MAP4K1: variants seen among roughly 807,000 people sequenced by gnomAD.
MAP4K1 encodes MAPK/ERK kinase kinase kinase 1.
MAP4K1 carries 35 observed loss-of-function variants against 122.8 expected under a neutral mutation model. The observed-to-expected ratio is 0.29, with a 90% CI of 0.22 to 0.38. The LOEUF (loss-of-function observed/expected upper bound fraction) is 0.38, where lower values mean the gene tolerates loss of function less well. Ranked by LOEUF, MAP4K1 falls within the 10% of genes least tolerant of loss-of-function variation. The pLI is 1.00. For missense variants in MAP4K1, 791 were observed against 1,072.6 expected (o/e 0.74, Z 3.67); for synonymous variants, 412 against 421.3 (o/e 0.98, Z 0.27).
At chr19:38,610,531 G>A (rs980830224) in intron 11 of MAP4K1, among the ~76,000 whole-genome samples, 27 of 151,860 alleles carry the variant, frequency 1.8e-4, no homozygotes, top group Non-Finnish European at 3.1e-4. Context: ...GATTACAGGC[G>A]TGCGCCACTA....
In MAP4K1 at chr19:38,595,784, AG is replaced by A. The variant is rs1974856505; in HGVS notation, c.2180-56del. 2.9e-5 allele frequency: 44 copies of A among 1,507,632 alleles called. 1 individual carries two copies. In the Middle Eastern group the frequency reaches 1.4e-3, roughly 47 times the overall value. 93.4% of individuals were successfully genotyped at this position (1,507,632 alleles called of 1,614,324 possible). Reference sequence around the variant, plus strand: ...GTGAGCAAGGCTTAGAGGGTTACTAAGGGACCAATCCATAAATTCAGTGTGA... The same window carrying A: ...GTGAGCAAGGCTTAGAGGGTTACTAAGGACCAATCCATAAATTCAGTGTGA... On this transcript the variant is annotated intron_variant, in intron 27 of 30. Coordinates refer to ENST00000396857, the MANE Select transcript of MAP4K1 (RefSeq NM_001042600.3).
chr19:38,596,023 A>T lies in MAP4K1; in HGVS notation c.2117-22T>A, dbSNP rs1341171625. ...TGCTCTGTTTGGGGGGAGTGGGTTA[A>T]GGATTGACCCCACCCCATTCCCCTT... On this transcript the variant is annotated intron_variant, in intron 26 of 30. Coordinates refer to ENST00000396857, the MANE Select transcript of MAP4K1 (RefSeq NM_001042600.3). 3 of 1,611,090 alleles carry T rather than the reference A, an allele frequency of 1.9e-6. No individual in the cohort carries two copies. In the Admixed American group the frequency reaches 5.0e-5, roughly 27 times the overall value.
Position 38,593,288 on chromosome 19 carries a change from G to A in MAP4K1, c.2390C>T (p.Ser797Phe). The A allele has an allele frequency of 3.1e-6, 5 of 1,612,050 alleles. No homozygotes were observed. The highest frequency in any genetic ancestry group is 4.2e-6 in the Non-Finnish European group (5 of 1,179,050). Residue 797 changes from serine (S) to phenylalanine (F), a missense_variant, in exon 30 of 31, where the codon TCC becomes TTC. Ser to Phe is a radical substitution (Grantham distance 155). Around this residue, in one of 4 missense-constraint regions of MAP4K1, gnomAD observed 267 missense variants for 323.0 expected, o/e 0.83. Coordinates refer to ENST00000396857, the MANE Select transcript of MAP4K1 (RefSeq NM_001042600.3). Reference sequence around the variant, plus strand: ...ACCCCACCCCACAACATACCTGGGGGAGCCAAGCAGACGGAAAGTGAGGGT... The same window carrying A: ...ACCCCACCCCACAACATACCTGGGGAAGCCAAGCAGACGGAAAGTGAGGGT... The part of the protein sequence containing the change: ...DPTLTFRLLG[S>F]PRPVVVETRP...
At chr19:38,613,526 A>G (rs1326738812) in intron 8 of MAP4K1, among the ~76,000 whole-genome samples, 1 of 151,934 alleles carries the variant, frequency 6.6e-6, no homozygotes, top group African/African-American at 2.4e-5. Flanking sequence ...CCCTGTCTCT[A>G]AAAACAAAAC....
At chr19:38,599,342 G>A (rs1300615303) in intron 22 of MAP4K1, among the ~76,000 whole-genome samples, 7 of 119,530 alleles carry the variant, frequency 5.9e-5, no homozygotes, top group Admixed American at 3.7e-4. Context: ...AGTGAGACTC[G>A]GTCTCAAAAA....
rs761591318 is a variant in MAP4K1, at chr19:38,597,308, C to G, written c.1837+18G>C. ...TGGCCCCGCCCACTCTCTGCACACC[C>G]GTGAAGCTCTCTCTCACCCACACAG... is the stretch of plus-strand genomic sequence containing the variant. On this transcript the variant is annotated intron_variant, in intron 24 of 30. Coordinates refer to ENST00000396857, the MANE Select transcript of MAP4K1 (RefSeq NM_001042600.3). The surrounding 1 kb of genome is among the most constrained non-coding windows in gnomAD (Gnocchi z 4.6). The G allele has an allele frequency of 6.2e-7, 1 of 1,613,892 alleles. No individual in the cohort carries two copies. Among genetic ancestry groups the G allele is most frequent in the Admixed American group, 1.7e-5 (1 of 60,018 alleles).
At chr19:38,606,048 C>T in intron 17 of MAP4K1, 125 bp downstream of exon 17, 1 of 750,764 alleles carries the variant, frequency 1.3e-6, no homozygotes, top group Non-Finnish European at 2.2e-6. Context: ...CCCAATGTAG[C>T]CATCATCCTG....
At chr19:38,609,799 C>T in intron 12 of MAP4K1, 110 bp downstream of exon 12, 2 of 1,300,298 alleles carry the variant, frequency 1.5e-6, no homozygotes, top group Non-Finnish European at 2.2e-6. Context: ...TCCCCATCCT[C>T]CCTCCCTGTT....
At chr19:38,590,398 T>C (rs1410667839) in intron 30 of MAP4K1, among the ~76,000 whole-genome samples, 3 of 37,352 alleles carry the variant, frequency 8.0e-5, no homozygotes, top group Non-Finnish European at 1.3e-4. Flanking sequence ...AAAAAAAATA[T>C]ATATATATAT....
chr19:38,603,926 G>A (rs953092250), intron 19 of MAP4K1, among the ~76,000 whole-genome samples: 4 of 151,482 alleles, frequency 2.6e-5, no homozygotes, highest in East Asian at 1.9e-4. Context: ...AGAGGTTGCA[G>A]TGAGCCAAGA....
At chr19:38,606,853 C>T (rs1037504350) in intron 16 of MAP4K1, among the ~76,000 whole-genome samples, 2 of 152,222 alleles carry the variant, frequency 1.3e-5, no homozygotes, top group Non-Finnish European at 2.9e-5. Context: ...GCTGGCGCCA[C>T]ACACAGGCTG....
intron 19 of MAP4K1, among the ~76,000 whole-genome samples, chr19:38,603,442 A>G (rs923605924): frequency 2.0e-5 from 3 of 151,610 alleles, no homozygotes; most frequent in African/African-American, 7.3e-5. Flanking sequence ...ACACATATAC[A>G]TGTATATGTG....
chr19:38,599,062 C>T (rs888735590), intron 22 of MAP4K1, among the ~76,000 whole-genome samples: 2 of 146,798 alleles, frequency 1.4e-5, no homozygotes, highest in African/African-American at 2.5e-5. Flanking sequence ...GGTGCGGTGG[C>T]CCACACCTGT....
Position 38,597,676 on chromosome 19 carries a change from G to C in MAP4K1, c.1670-82C>G. 1.1e-6 allele frequency: 1 copy of C among 888,734 alleles called. No homozygotes were observed. The highest frequency in any genetic ancestry group is 1.7e-5 in the South Asian group (1 of 58,388). The allele number at this position is 888,734 out of a possible 1,614,324, so 55.1% of individuals were successfully genotyped here. A position where few individuals can be genotyped will look rare whatever the true frequency, so the allele number is the denominator to read the frequency against. On this transcript the variant is annotated intron_variant, in intron 22 of 30. Transcript: ENST00000396857. The surrounding 1 kb of genome is among the most constrained non-coding windows in gnomAD (Gnocchi z 4.6). The stretch of plus-strand genomic sequence containing the variant: ...TTCCTTTCCTCCATCCCTTCCCTCA[G>C]CCCCATCCCTTTGTCTGAAACTCCC...
At chr19:38,596,895 A>G (rs1974905273) in intron 25 of MAP4K1, 139 bp downstream of exon 25, 1 of 777,472 alleles carries the variant, frequency 1.3e-6, no homozygotes, top group Non-Finnish European at 2.1e-6. Flanking sequence ...CGCAGACCGC[A>G]GGTGGGCGGG....
intron 9 of MAP4K1, 111 bp downstream of exon 9, chr19:38,612,500 A>C (rs1445393871): frequency 2.1e-6 from 2 of 931,750 alleles, no homozygotes; most frequent in African/African-American, 3.3e-5. Context: ...GGTAGGCTCA[A>C]GTGGTGATCC....
At chr19:38,606,411 G>C (rs1334467219) in intron 16 of MAP4K1, among the ~76,000 whole-genome samples, 196 bp from the exon 17 acceptor site, 1 of 152,210 alleles carries the variant, frequency 6.6e-6, no homozygotes, top group Non-Finnish European at 1.5e-5. Context: ...TGTAATCGCA[G>C]TGCTTTGGGA....
At chr19:38,590,967 A>AT (rs1974709759) in intron 30 of MAP4K1, among the ~76,000 whole-genome samples, 1 of 103,494 alleles carries the variant, frequency 9.7e-6, no homozygotes, top group African/African-American at 5.5e-5. Flanking sequence ...TTAAAAAATC[A>AT]CACACACACA....
intron 25 of MAP4K1, 112 bp from the exon 26 acceptor site, chr19:38,596,598 G>A: frequency 2.2e-6 from 2 of 927,740 alleles, no homozygotes; most frequent in South Asian, 1.8e-5. Context: ...AGTCTTGGGG[G>A]ATGCCGTCTA....
Sources: gnomAD v4.1 joint callset for allele counts (sites outside exome capture counted in the v4.1 genomes callset) on GRCh38, gnomAD v4.1.1 for gene constraint, gnomAD v4.1.1 regional missense constraint, Gnocchi (gnomAD v3.1) non-coding constraint, MANE v1.5 for transcripts, NCBI Gene and HGNC (gene_info 2026-07-23, HGNC 2026-07-21) for gene names.